CEP63: variants seen among roughly 807,000 people sequenced by gnomAD.
CEP63 encodes centrosomal protein of 63 kDa.
In CEP63, 84 loss-of-function variants were observed where a neutral mutation model predicts 89.1. That is an observed-to-expected ratio of 0.94 (90% CI 0.79 to 1.13). CEP63 has a LOEUF of 1.13. Among genes scored for constraint, CEP63 ranks in the 50% most tolerant of loss-of-function variants. The probability of loss-of-function intolerance (pLI) is 0.00; values close to 1 mark genes in which losing one functional copy is unlikely to be tolerated. For missense variants in CEP63, 838 were observed against 813.3 expected (o/e 1.03, Z -0.37); for synonymous variants, 267 against 272.5 (o/e 0.98, Z 0.20).
chr3:134,713,322 G>A, the CEP63 span, among the ~76,000 whole-genome samples: 2 of 152,150 alleles, frequency 1.3e-5, no homozygotes, highest in Non-Finnish European at 2.9e-5. Flanking sequence ...CTAGCAATTG[G>A]TGTAGAGATG....
chr3:134,760,058 C>CTTTTTTTTTT, the CEP63 span, among the ~76,000 whole-genome samples: 1 of 131,196 alleles, frequency 7.6e-6, no homozygotes, highest in Non-Finnish European at 1.6e-5. Flanking sequence ...AGAGCACTTT[C>CTTTTTTTTTT]TTTTTTTTTT....
the CEP63 span, among the ~76,000 whole-genome samples, chr3:134,653,333 G>A: frequency 1.3e-5 from 2 of 152,290 alleles, no homozygotes; most frequent in East Asian, 1.9e-4. Context: ...GGAAAGAATT[G>A]CAGTGTGAAC....
downstream of CEP63, among the ~76,000 whole-genome samples, chr3:134,568,423 A>T (rs1957875706): frequency 6.6e-6 from 1 of 152,230 alleles, no homozygotes; most frequent in Non-Finnish European, 1.5e-5. Flanking sequence ...TCCCAACAGG[A>T]GCATGCACTG....
chr3:134,696,501 G>C, the CEP63 span, among the ~76,000 whole-genome samples: 1 of 152,108 alleles, frequency 6.6e-6, no homozygotes, highest in African/African-American at 2.4e-5. Context: ...TCTGATTCTG[G>C]GTATCATGTT....
At chr3:134,735,157 TGTC>T in the CEP63 span, among the ~76,000 whole-genome samples, 1 of 152,184 alleles carries the variant, frequency 6.6e-6, no homozygotes, top group Non-Finnish European at 1.5e-5. Flanking sequence ...AAAAATCCAT[TGTC>T]GTCACATGAA....
chr3:134,610,220 T>C, the CEP63 span: 6 of 1,613,520 alleles, frequency 3.7e-6, no homozygotes, highest in South Asian at 2.2e-5. Context: ...GAGGTGATGG[T>C]GTCCACCAGG....
At chr3:134,746,221 T>C in the CEP63 span, among the ~76,000 whole-genome samples, 1 of 151,810 alleles carries the variant, frequency 6.6e-6, no homozygotes, top group Non-Finnish European at 1.5e-5. Context: ...TTTCCAGCTT[T>C]ATCCATGTCC....
chr3:134,533,188 T>G (rs1044320338), intron 5 of CEP63, among the ~76,000 whole-genome samples: 3 of 152,160 alleles, frequency 2.0e-5, no homozygotes, highest in African/African-American at 7.2e-5. Flanking sequence ...TGACTGAGCT[T>G]AATAAAACTG....
intron 3 of CEP63, among the ~76,000 whole-genome samples, chr3:134,513,918 T>C (rs761019951): frequency 6.6e-6 from 1 of 152,182 alleles, no homozygotes; most frequent in African/African-American, 2.4e-5. Context: ...CCATTCTGGG[T>C]TTCAGATTAT....
At chr3:134,637,096 G>A in the CEP63 span, among the ~76,000 whole-genome samples, 42 of 152,202 alleles carry the variant, frequency 2.8e-4, no homozygotes, top group Non-Finnish European at 4.8e-4. Context: ...GATACAATGT[G>A]GCCTCTGCAA....
At chr3:134,527,250 A>G (rs1948843987) in intron 3 of CEP63, among the ~76,000 whole-genome samples, 1 of 152,150 alleles carries the variant, frequency 6.6e-6, no homozygotes, top group Admixed American at 6.5e-5. Context: ...GCGACTGTGC[A>G]CAGTGGCACT....
chr3:134,664,935 G>C, the CEP63 span, among the ~76,000 whole-genome samples: 4 of 152,108 alleles, frequency 2.6e-5, no homozygotes, highest in Non-Finnish European at 4.4e-5. Flanking sequence ...GGTTGCTTTG[G>C]AGTCTGACCC....
intron 2 of CEP63, among the ~76,000 whole-genome samples, chr3:134,503,100 CTTTTTTTTT>C (rs34673408): frequency 3.3e-5 from 3 of 92,018 alleles, no homozygotes; most frequent in South Asian, 4.3e-4. Flanking sequence ...TGATTTCAAT[CTTTTTTTTT>C]TTTTTTTTTT....
the CEP63 span, chr3:134,601,152 A>G: frequency 1.3e-5 from 2 of 152,208 alleles, no homozygotes; most frequent in Non-Finnish European, 2.9e-5. Flanking sequence ...AAATTCATGA[A>G]GATTAGATTT....
chr3:134,724,032 T>C, the CEP63 span, among the ~76,000 whole-genome samples: 10 of 152,168 alleles, frequency 6.6e-5, no homozygotes, highest in African/African-American at 2.4e-4. Context: ...TTTTTCCAAC[T>C]CTTTATTTTC....
chr3:134,720,133 G>A, the CEP63 span, among the ~76,000 whole-genome samples: 12 of 151,910 alleles, frequency 7.9e-5, no homozygotes, highest in African/African-American at 2.7e-4. Context: ...AAACACAATT[G>A]TCTGTCTTTT....
chr3:134,719,671 C>T, the CEP63 span, among the ~76,000 whole-genome samples: 5 of 152,154 alleles, frequency 3.3e-5, no homozygotes, highest in African/African-American at 4.8e-5. Flanking sequence ...CATTAATCTA[C>T]CTTCTGTCTC....
intron 10 of CEP63, among the ~76,000 whole-genome samples, chr3:134,580,228 C>A: frequency 6.6e-6 from 1 of 150,944 alleles, no homozygotes; most frequent in Admixed American, 6.6e-5. Flanking sequence ...TAAAAGAAGC[C>A]AAAAGATTAT....
chr3:134,740,156 G>T, the CEP63 span, among the ~76,000 whole-genome samples: 1 of 152,138 alleles, frequency 6.6e-6, no homozygotes, highest in Non-Finnish European at 1.5e-5. Context: ...GGTGCTCAGG[G>T]TACACAGTCC....
Sources: allele counts gnomAD v4.1 joint callset (sites outside exome capture counted in the v4.1 genomes callset), GRCh38; gene constraint gnomAD v4.1.1; transcripts MANE v1.5; gene names NCBI Gene and HGNC (gene_info 2026-07-23, HGNC 2026-07-21).